Variants in SLC46A3 observed in about 807,000 individuals in gnomAD.
SLC46A3 encodes lysosomal proton-coupled steroid conjugate and bile acid symporter SLC46A3.
SLC46A3 carries 26 observed loss-of-function variants against 38.5 expected under a neutral mutation model. The observed-to-expected ratio is 0.68, with a 90% confidence interval of 0.49 to 0.94. The LOEUF (loss-of-function observed/expected upper bound fraction) is 0.94. Ranked by LOEUF, SLC46A3 falls within the 40% of genes least tolerant of loss-of-function variation. The pLI, the probability that SLC46A3 is intolerant of heterozygous loss-of-function variation, is 0.00. For synonymous variants in SLC46A3, 185 were observed against 192.5 expected (o/e 0.96, Z 0.32); for missense variants, 510 against 544.3 (o/e 0.94, Z 0.63).
chr13:28,711,848 G>T (rs1885354261), intron 3 of SLC46A3, among the ~76,000 whole-genome samples: 1 of 152,222 alleles, frequency 6.6e-6, no homozygotes, highest in African/African-American at 2.4e-5. Context: ...ATTGTGCCAA[G>T]CGAGTGCTTG....
In SLC46A3 at chr13:28,701,697, T is replaced by G. The variant is rs1422463782; in HGVS notation, c.1302-116A>C. 4.5e-6 allele frequency: 4 copies of G among 892,808 alleles called. No individual in the cohort carries two copies. The East Asian group carries it at 1.0e-4, about 23-fold the overall frequency. The allele number at this position is 892,808 out of a possible 1,614,324, so 55.3% of individuals were successfully genotyped here. On this transcript the variant is annotated intron_variant, in intron 5 of 5. Transcript: ENST00000266943. Reference sequence around the variant, plus strand: ...GCTTTTAATAAATTATGCAGATTATTAGGAGGAGTATCCTGGCATTTTGAA... The same window carrying G: ...GCTTTTAATAAATTATGCAGATTATGAGGAGGAGTATCCTGGCATTTTGAA...
Position 28,700,517 on chromosome 13 carries a change from G to C in SLC46A3, c.*980C>G, listed in dbSNP as rs1771162. ...GTGTTGACGGATTCAAATTTAAGGA[G>C]TACAAGATCGTATTTTAAAAATGCC... On this transcript the variant is annotated 3_prime_UTR_variant, in exon 6 of 6. Coordinates refer to ENST00000266943, the MANE Select transcript of SLC46A3 (RefSeq NM_181785.4). 0.47 allele frequency: 75,408 copies of C among 159,456 alleles called. 18,334 individuals are homozygous for C. Among genetic ancestry groups the C allele is most frequent in the Middle Eastern group, 0.66 (205 of 310 alleles). 9.9% of individuals were successfully genotyped at this position (159,456 alleles called of 1,614,324 possible). A position where few individuals can be genotyped will look rare whatever the true frequency, so the allele number is the denominator to read the frequency against.
At chr13:28,701,834 C>T (rs927036791) in intron 5 of SLC46A3, among the ~76,000 whole-genome samples, 1 of 152,090 alleles carries the variant, frequency 6.6e-6, no homozygotes. Flanking sequence ...TCTGTGTAGT[C>T]CACATAAACT....
Position 28,700,841 on chromosome 13 carries a change from A to AG in SLC46A3, c.*655_*656insC. 1 of 801,854 alleles carries AG rather than the reference A, an allele frequency of 1.2e-6. No individual in the cohort carries two copies. Among genetic ancestry groups the AG allele is most frequent in the Non-Finnish European group, 1.9e-6 (1 of 526,786 alleles). The allele number at this position is 801,854 out of a possible 1,614,324, so 49.7% of individuals were successfully genotyped here. The stretch of plus-strand genomic sequence containing the variant: ...GAAAAGTGAAAAATACATATTCTTT[A>AG]AAGTGCCTCCCTTTTAAGGATTTTG... On this transcript the variant is annotated 3_prime_UTR_variant, in exon 6 of 6. Transcript: ENST00000266943.
In SLC46A3 at chr13:28,713,090, A is replaced by G. The variant is rs879444868; in HGVS notation, c.650T>C (p.Phe217Ser). The change falls in exon 3 of 6, where the codon TTT becomes TCT. Residue 217 changes from phenylalanine to serine, a missense_variant. By Grantham distance (155) the Phe-to-Ser change is radical. Transcript: ENST00000266943. ...LAVNLIYILF[F>S]LGDPVKECSS... ...ACACTCTTTCACTGGATCTCCGAGA[A>G]AAAATAAAATATAGATCAAATTAAC... 6.2e-7 allele frequency: 1 copy of G among 1,611,684 alleles called. No homozygotes were observed. Among genetic ancestry groups the G allele is most frequent in the East Asian group, 2.2e-5 (1 of 44,866 alleles).
At chr13:28,704,309 G>C in intron 4 of SLC46A3, 5 of 550,746 alleles carry the variant, frequency 9.1e-6, no homozygotes, top group Non-Finnish European at 1.6e-5. Flanking sequence ...GGTTCTCCTT[G>C]GACTTGATGT....
At chr13:28,701,882 T>C (rs1885033213) in intron 5 of SLC46A3, among the ~76,000 whole-genome samples, 1 of 152,222 alleles carries the variant, frequency 6.6e-6, no homozygotes, top group Non-Finnish European at 1.5e-5. Context: ...TCCTGTTCAA[T>C]AGCTATAGCT....
intron 4 of SLC46A3, chr13:28,704,694 A>G (rs2137822737): frequency 6.6e-6 from 1 of 152,336 alleles, no homozygotes; most frequent in Admixed American, 6.5e-5. Context: ...TCCCATCACT[A>G]CTAGATTCTG....
chr13:28,707,246 C>T (rs1312213553), intron 4 of SLC46A3, among the ~76,000 whole-genome samples: 16 of 151,602 alleles, frequency 1.1e-4, no homozygotes, highest in African/African-American at 3.6e-4. Flanking sequence ...TCATGTCCTT[C>T]GTAGGGACAT....
At chr13:28,712,524 CTTA>C in intron 3 of SLC46A3, 153 bp downstream of exon 3, 2 of 629,802 alleles carry the variant, frequency 3.2e-6, no homozygotes, top group Non-Finnish European at 4.6e-6. Flanking sequence ...CGGCTTTTGG[CTTA>C]TTGACTCCTG....
chr13:28,712,711 C>G lies in SLC46A3; in HGVS notation c.1029G>C (p.Ala343=). The part of the protein sequence containing the change: ...FTTMTGMAMT[A]FASTTLMMFL... ...ACATCATCAGTGTTGTACTGGCAAA[C>G]GCGGTCATAGCCATTCCTGTCATCG... is the stretch of plus-strand genomic sequence containing the variant. The change falls in exon 3 of 6, where the codon GCG becomes GCC. Residue 343 remains alanine (A), a synonymous_variant. Coordinates refer to ENST00000266943, the MANE Select transcript of SLC46A3 (RefSeq NM_181785.4). The G allele has an allele frequency of 6.2e-7, 1 of 1,602,920 alleles. No individual in the cohort carries two copies. The highest frequency in any genetic ancestry group is 1.1e-5 in the South Asian group (1 of 88,388).
chr13:28,713,037 T>A lies in SLC46A3; in HGVS notation c.703A>T (p.Ser235Cys). 6.2e-7 allele frequency: 1 copy of A among 1,612,204 alleles called. No individual in the cohort carries two copies. The highest frequency in any genetic ancestry group is 8.5e-7 in the Non-Finnish European group (1 of 1,179,740). ...CSSQNVTMSCSEGFKNLFYRT... is the reference protein window; with the variant it reads ...CSSQNVTMSCCEGFKNLFYRT... ...TAAAATAGGTTTTTGAAGCCTTCAC[T>A]ACATGACATAGTAACATTCTGAGAT... The change falls in exon 3 of 6, where the codon AGT (serine) becomes TGT (cysteine). Residue 235 changes from serine (S) to cysteine (C), a missense_variant. Physicochemically the swap from Ser to Cys is moderately radical, Grantham distance 112. Coordinates refer to ENST00000266943, the MANE Select transcript of SLC46A3 (RefSeq NM_181785.4).
In SLC46A3 at chr13:28,712,930, A is replaced by T. The variant is rs768643720; in HGVS notation, c.810T>A (p.Tyr270Ter). 1.1e-5 allele frequency: 17 copies of T among 1,610,550 alleles called. No homozygotes were observed. The South Asian group carries it at 1.8e-4, about 17-fold the overall frequency. Residue 270 changes from tyrosine (Y) to a stop codon, truncating the protein, a stop_gained, in exon 3 of 6, where the codon TAT becomes TAA. Transcript: ENST00000266943. LOFTEE classifies it high-confidence loss of function. ...LCLLLFTVIT[Y>*]FFVVIGIAPI... is the part of the protein sequence containing the mutation. ...GGGCAATGCCAATTACCACAAAAAA[A>T]TAAGTGATTACTGTAAAAAGTAACA...
At chr13:28,716,125 C>T (rs967833991) in intron 2 of SLC46A3, among the ~76,000 whole-genome samples, 1 of 152,106 alleles carries the variant, frequency 6.6e-6, no homozygotes, top group South Asian at 2.1e-4. Context: ...TCCACTCCAG[C>T]GTGGGCAGCA....
At position 28,700,759 on chromosome 13, in the gene SLC46A3, C is replaced by T; in HGVS notation, c.*738G>A. On this transcript the variant is annotated 3_prime_UTR_variant, in exon 6 of 6. Transcript: ENST00000266943. The stretch of plus-strand genomic sequence containing the variant: ...ATTTTATTTATCATCTATTTTTTCC[C>T]AATTACCCATTACATATAGAAATAT... 4.2e-6 allele frequency: 2 copies of T among 480,812 alleles called. No homozygotes were observed. Among genetic ancestry groups the T allele is most frequent in the Non-Finnish European group, 7.5e-6 (2 of 268,434 alleles). 29.8% of individuals were successfully genotyped at this position (480,812 alleles called of 1,614,324 possible). A position where few individuals can be genotyped will look rare whatever the true frequency, so the allele number is the denominator to read the frequency against.
chr13:28,708,917 T>C (rs937243801), intron 4 of SLC46A3, among the ~76,000 whole-genome samples: 1 of 152,206 alleles, frequency 6.6e-6, no homozygotes, highest in Non-Finnish European at 1.5e-5. Context: ...AAGAAGCAGA[T>C]AGATTTTTAC....
chr13:28,715,539 C>T (rs909789014), intron 2 of SLC46A3, among the ~76,000 whole-genome samples: 1 of 152,160 alleles, frequency 6.6e-6, no homozygotes, highest in Non-Finnish European at 1.5e-5. Context: ...CAAAAGAAAG[C>T]ACAGAATCAA....
chr13:28,703,982 A>G lies in SLC46A3; in HGVS notation c.1262T>C (p.Leu421Pro). The G allele has an allele frequency of 6.2e-7, 1 of 1,613,936 alleles. No individual in the cohort carries two copies. Among genetic ancestry groups the G allele is most frequent in the Non-Finnish European group, 8.5e-7 (1 of 1,179,876 alleles). ...VAWYPGFTFL[L>P]SAGLLLLPAI... ...TGGAAGTAGTAACAGACCAGCAGAC[A>G]GCAGGAAAGTGAAGCCAGGGTACCA... Residue 421 changes from leucine to proline, a missense_variant, in exon 5 of 6, where the codon CTG (leucine) becomes CCG (proline). Coordinates refer to ENST00000266943, the MANE Select transcript of SLC46A3 (RefSeq NM_181785.4).
In SLC46A3 at chr13:28,701,071, T is replaced by G; in HGVS notation, c.*426A>C. Reference sequence around the variant, plus strand: ...AATTTTCATTATGCCTTCAAAATTATCCCTGAGAGAGGCCAGAAACCCATT... The same window carrying G: ...AATTTTCATTATGCCTTCAAAATTAGCCCTGAGAGAGGCCAGAAACCCATT... On this transcript the variant is annotated 3_prime_UTR_variant, in exon 6 of 6. Coordinates refer to ENST00000266943, the MANE Select transcript of SLC46A3 (RefSeq NM_181785.4). 1 of 1,479,728 alleles carries G rather than the reference T, an allele frequency of 6.8e-7. No homozygotes were observed. The highest frequency in any genetic ancestry group is 9.0e-7 in the Non-Finnish European group (1 of 1,114,382). 91.7% of individuals were successfully genotyped at this position (1,479,728 alleles called of 1,614,324 possible).
Sources: allele counts gnomAD v4.1 joint callset (sites outside exome capture counted in the v4.1 genomes callset), GRCh38; gene constraint gnomAD v4.1.1; transcripts MANE v1.5; gene names NCBI Gene and HGNC (gene_info 2026-07-23, HGNC 2026-07-21).